The following NLGN4X variants were observed in gnomAD, a reference collection of about 807,000 sequenced individuals.
NLGN4X encodes neuroligin 4 X-linked.
Under a neutral mutation model 40.3 loss-of-function variants are expected in NLGN4X, and 3 were observed. The observed-to-expected ratio is 0.07, with a 90% CI of 0.03 to 0.19. The LOEUF (loss-of-function observed/expected upper bound fraction) is 0.19. NLGN4X is among the 10% of genes least tolerant of loss of function. The pLI, the probability that NLGN4X is intolerant of heterozygous loss-of-function variation, is 1.00. For missense variants in NLGN4X, 382 were observed against 708.3 expected (o/e 0.54, Z 5.23); for synonymous variants, 270 against 306.8 (o/e 0.88, Z 1.25).
chrX:6,118,828 C>T (rs1412131098), intron 2 of NLGN4X, among the ~76,000 whole-genome samples: 1 of 111,166 alleles, frequency 9.0e-6, no homozygotes, highest in African/African-American at 3.3e-5. Context: ...TATTCTTATA[C>T]CCCCACTTCA....
chrX:6,050,618 T>C (rs1458118130), intron 2 of NLGN4X, among the ~76,000 whole-genome samples: 2 of 111,534 alleles, frequency 1.8e-5, no homozygotes, highest in Non-Finnish European at 3.8e-5. Flanking sequence ...TATCTACCTA[T>C]ATCTATCATC....
intron 1 of NLGN4X, among the ~76,000 whole-genome samples, chrX:6,157,414 T>G (rs1398014928): frequency 2.7e-5 from 3 of 112,130 alleles, no homozygotes; most frequent in Non-Finnish European, 5.6e-5. Flanking sequence ...CCATGAGGAA[T>G]AGGGCATACA....
intron 3 of NLGN4X, among the ~76,000 whole-genome samples, chrX:5,987,650 T>G (rs772947021): frequency 8.9e-6 from 1 of 112,667 alleles, no homozygotes; most frequent in Non-Finnish European, 1.9e-5. Context: ...ATTTGTGGTT[T>G]CTAATGGTTG....
chrX:5,921,814 T>C (rs936447051), intron 3 of NLGN4X, among the ~76,000 whole-genome samples: 8 of 111,581 alleles, frequency 7.2e-5, no homozygotes, highest in African/African-American at 2.6e-4. Flanking sequence ...AGCTACACGG[T>C]GTTAGGCTTT....
intron 3 of NLGN4X, among the ~76,000 whole-genome samples, chrX:5,911,292 G>A (rs1350954264): frequency 8.9e-6 from 1 of 111,770 alleles, no homozygotes; most frequent in Admixed American, 9.5e-5. Context: ...GACTTATTTT[G>A]TTTCTGTGGA....
intron 1 of NLGN4X, among the ~76,000 whole-genome samples, chrX:6,176,735 C>G (rs1360538569): frequency 1.8e-5 from 2 of 112,024 alleles, no homozygotes; most frequent in Non-Finnish European, 3.8e-5. Context: ...AATCTGTCCT[C>G]TCCTAGAGCC....
chrX:6,026,604 G>A (rs7057259), intron 3 of NLGN4X, among the ~76,000 whole-genome samples: 19,671 of 110,899 alleles, frequency 0.18, 1,314 homozygotes, highest in African/African-American at 0.19. Flanking sequence ...AGTCTCTATC[G>A]TCCTGTAAAA....
intron 2 of NLGN4X, among the ~76,000 whole-genome samples, chrX:6,087,478 G>A (rs1413059735): frequency 1.8e-5 from 2 of 111,814 alleles, no homozygotes; most frequent in African/African-American, 3.3e-5. Context: ...TCAATTTCAA[G>A]GGAAAGATAG....
chrX:5,936,291 A>G (rs1288422224), intron 3 of NLGN4X, among the ~76,000 whole-genome samples: 3 of 111,459 alleles, frequency 2.7e-5, no homozygotes, highest in African/African-American at 9.8e-5. Context: ...TACGAAACCC[A>G]GGAATTTAAG....
chrX:5,935,531 A>G (rs2033703737), intron 3 of NLGN4X, among the ~76,000 whole-genome samples: 1 of 112,227 alleles, frequency 8.9e-6, no homozygotes, highest in South Asian at 3.7e-4. Flanking sequence ...CCACTTAAAC[A>G]GTTTTTAACC....
chrX:6,116,679 G>A (rs2039310894), intron 2 of NLGN4X, among the ~76,000 whole-genome samples: 3 of 107,883 alleles, frequency 2.8e-5, no homozygotes, highest in South Asian at 8.2e-4. Flanking sequence ...ATAGGCATGC[G>A]CCACCATGCC....
At chrX:5,928,514 T>C (rs1021425780) in intron 3 of NLGN4X, among the ~76,000 whole-genome samples, 1 of 112,157 alleles carries the variant, frequency 8.9e-6, no homozygotes, top group South Asian at 3.7e-4. Flanking sequence ...GATAGAGGTG[T>C]TTACATTTTA....
chrX:6,010,852 T>G (rs1423476884), intron 3 of NLGN4X, among the ~76,000 whole-genome samples: 1 of 111,171 alleles, frequency 9.0e-6, no homozygotes, highest in Non-Finnish European at 1.9e-5. Context: ...TACATCAATT[T>G]AGGGATTACT....
chrX:6,056,800 T>C (rs2037643491), intron 2 of NLGN4X, among the ~76,000 whole-genome samples: 1 of 112,002 alleles, frequency 8.9e-6, no homozygotes, highest in Admixed American at 9.5e-5. Context: ...TAACATGTGT[T>C]GACTTGAATG....
chrX:6,173,790 G>A (rs191381052), intron 1 of NLGN4X, among the ~76,000 whole-genome samples: 2 of 112,089 alleles, frequency 1.8e-5, no homozygotes, highest in Non-Finnish European at 3.8e-5. Context: ...GGTAGTGGTC[G>A]CTCACGCCTG....
chrX:6,187,376 G>A (rs1461671939), intron 1 of NLGN4X: 1 of 108,802 alleles, frequency 9.2e-6, no homozygotes, highest in East Asian at 3.0e-4. Context: ...CGGAGGCTGA[G>A]GCCAGGGAAT....
chrX:6,199,281 A>G (rs1272392113), intron 1 of NLGN4X, among the ~76,000 whole-genome samples: 3 of 111,882 alleles, frequency 2.7e-5, no homozygotes, highest in Non-Finnish European at 5.6e-5. Context: ...AATTTAATAA[A>G]TCATCTGATT....
intron 2 of NLGN4X, among the ~76,000 whole-genome samples, chrX:6,058,766 G>T (rs1257185396): frequency 9.0e-6 from 1 of 111,669 alleles, no homozygotes; most frequent in Non-Finnish European, 1.9e-5. Context: ...CAGATATTTT[G>T]TCTATGTAGA....
At chrX:6,024,207 A>T in intron 3 of NLGN4X, among the ~76,000 whole-genome samples, 1 of 111,451 alleles carries the variant, frequency 9.0e-6, no homozygotes, top group East Asian at 2.8e-4. Flanking sequence ...ATACGTATGG[A>T]TGTTGTGAGG....
Sources: allele counts gnomAD v4.1 joint callset (sites outside exome capture counted in the v4.1 genomes callset), GRCh38; gene constraint gnomAD v4.1.1; transcripts MANE v1.5; gene names NCBI Gene and HGNC (gene_info 2026-07-23, HGNC 2026-07-21).